Variants in CRIM1 observed in about 807,000 individuals in gnomAD.
CRIM1 encodes the protein cysteine rich transmembrane BMP regulator 1.
In CRIM1, 32 loss-of-function variants were observed where a neutral mutation model predicts 116.4. The observed-to-expected ratio is 0.27, with a 90% CI of 0.21 to 0.37. The LOEUF (loss-of-function observed/expected upper bound fraction) is 0.37. Among genes scored for constraint, CRIM1 ranks in the 10% least tolerant of loss-of-function variants. The pLI, the probability that CRIM1 is intolerant of heterozygous loss-of-function variation, is 1.00. For synonymous variants in CRIM1, 590 were observed against 509.2 expected, an observed-to-expected ratio of 1.16 and a Z score of -2.13; for missense variants, 1,331 against 1,354.8, an observed-to-expected ratio of 0.98 and a Z score of 0.28.
chr2:36,403,227 T>A (rs1672547321), intron 2 of CRIM1, among the ~76,000 whole-genome samples: 1 of 152,198 alleles, frequency 6.6e-6, no homozygotes, highest in Non-Finnish European at 1.5e-5. Context: ...GCTTGCACAG[T>A]GAACATTTTG....
At chr2:36,420,629 A>G (rs1673983151) in intron 2 of CRIM1, among the ~76,000 whole-genome samples, 1 of 152,150 alleles carries the variant, frequency 6.6e-6, no homozygotes, top group Admixed American at 6.6e-5. Context: ...AACTCTTTTC[A>G]AAAGTTCAGG....
At chr2:36,513,382 C>G in intron 10 of CRIM1, 174 bp from the exon 11 acceptor site, 1 of 571,898 alleles carries the variant, frequency 1.7e-6, no homozygotes. Context: ...TTTCTTTTTT[C>G]AAGATTGAGA....
chr2:36,447,637 A>G (rs1482854348), intron 4 of CRIM1, among the ~76,000 whole-genome samples: 3 of 152,204 alleles, frequency 2.0e-5, no homozygotes, highest in Admixed American at 6.5e-5. Flanking sequence ...GTTGGAAGTT[A>G]CAGAACACTT....
chr2:36,472,424 TTG>T (rs1678602513), intron 5 of CRIM1, among the ~76,000 whole-genome samples: 1 of 152,188 alleles, frequency 6.6e-6, no homozygotes, highest in Non-Finnish European at 1.5e-5. Flanking sequence ...TAAAGATTGA[TTG>T]TGTTTCCAGG....
Position 36,479,622 on chromosome 2 carries a change from G to T in CRIM1, c.1300G>T (p.Val434Phe). ...GTGCGTCAACGGTGAACGCCACTGC[G>T]TTGCGACCGTCTGCGGACAGACCTG... ...CQCVNGERHCVATVCGQTCTN... is the reference protein window; with the variant it reads ...CQCVNGERHCFATVCGQTCTN... The change falls in exon 7 of 17, where the codon GTT becomes TTT. Residue 434 changes from valine to phenylalanine, a missense_variant. This residue lies in a region of CRIM1 where 690 missense variants were observed against 676.0 expected (regional missense o/e 1.02). Transcript: ENST00000280527. 1 of 1,614,224 alleles carries T rather than the reference G, an allele frequency of 6.2e-7. No individual in the cohort carries two copies. The highest frequency in any genetic ancestry group is 8.5e-7 in the Non-Finnish European group (1 of 1,180,036).
At position 36,425,680 on chromosome 2, in the gene CRIM1, T is replaced by G. The variant is rs117540396; in HGVS notation, c.506-15578T>G. The stretch of plus-strand genomic sequence containing the variant: ...GGCTTACTGGTGACAAATTCCATTA[T>G]CAGCAACATTCTCATCAGAGGCTCA... On this transcript the variant is annotated intron_variant, in intron 2 of 16. Transcript: ENST00000280527. Among the ~76,000 whole-genome samples the G allele has an allele frequency of 7.7e-3, 1,167 of 152,364 alleles. 39 individuals carry two copies. Among genetic ancestry groups the G allele is most frequent in the Admixed American group, 0.054 (820 of 15,304 alleles).
At chr2:36,393,734 G>A (rs1375767834) in intron 1 of CRIM1, among the ~76,000 whole-genome samples, 2 of 152,154 alleles carry the variant, frequency 1.3e-5, no homozygotes, top group Non-Finnish European at 2.9e-5. Context: ...AGGAAGAAGG[G>A]AAGGAGGTAT....
At chr2:36,533,443 A>C (rs927301656) in intron 13 of CRIM1, among the ~76,000 whole-genome samples, 73 of 144,262 alleles carry the variant, frequency 5.1e-4, no homozygotes, top group Middle Eastern at 7.0e-3. Flanking sequence ...AAAAAAAAAA[A>C]CCCTAAAAAT....
At chr2:36,534,062 A>T (rs1401925391) in intron 13 of CRIM1, among the ~76,000 whole-genome samples, 1 of 128,188 alleles carries the variant, frequency 7.8e-6, no homozygotes, top group African/African-American at 3.0e-5. Flanking sequence ...AGAAGGAAGG[A>T]AGGTGAGGGA....
intron 7 of CRIM1, among the ~76,000 whole-genome samples, chr2:36,498,415 G>A (rs1230600573): frequency 6.6e-6 from 1 of 152,148 alleles, no homozygotes; most frequent in African/African-American, 2.4e-5. Context: ...CCACCTCATT[G>A]GAATATGGTA....
chr2:36,545,460 C>G (rs1667255934), intron 15 of CRIM1, among the ~76,000 whole-genome samples: 1 of 152,182 alleles, frequency 6.6e-6, no homozygotes, highest in Non-Finnish European at 1.5e-5. Flanking sequence ...ATTCTTATGA[C>G]TGAAGACCTG....
chr2:36,529,415 GAA>G, intron 13 of CRIM1: 1 of 222,314 alleles, frequency 4.5e-6, no homozygotes, highest in Non-Finnish European at 9.4e-6. Context: ...AGTCCTAAAA[GAA>G]GTTGTATTTC....
chr2:36,481,744 T>C (rs1007401852), intron 7 of CRIM1, among the ~76,000 whole-genome samples: 3 of 152,184 alleles, frequency 2.0e-5, no homozygotes, highest in African/African-American at 7.2e-5. Flanking sequence ...GTTGCCATTG[T>C]GTGGCTGAGT....
chr2:36,519,096 G>C (rs1490098828), intron 12 of CRIM1, among the ~76,000 whole-genome samples: 1 of 138,012 alleles, frequency 7.2e-6, no homozygotes, highest in African/African-American at 2.5e-5. Context: ...GGTGCTATTT[G>C]TGTTAGGATC....
At chr2:36,548,030 C>T (rs1034731694) in intron 16 of CRIM1, among the ~76,000 whole-genome samples, 2 of 152,196 alleles carry the variant, frequency 1.3e-5, no homozygotes, top group Admixed American at 1.3e-4. Flanking sequence ...TTGGGCACAG[C>T]CTCTGTGCTG....
At chr2:36,479,039 T>A (rs778097396) in intron 6 of CRIM1, among the ~76,000 whole-genome samples, 1 of 152,136 alleles carries the variant, frequency 6.6e-6, no homozygotes, top group Non-Finnish European at 1.5e-5. Flanking sequence ...TGCAGGTACA[T>A]GAGATAGAGT....
At chr2:36,403,891 A>G (rs1672597169) in intron 2 of CRIM1, among the ~76,000 whole-genome samples, 3 of 152,142 alleles carry the variant, frequency 2.0e-5, no homozygotes, top group African/African-American at 7.2e-5. Context: ...TGGAACTCAG[A>G]GAGAGATCTG....
chr2:36,428,050 T>G (rs192589682), intron 2 of CRIM1, among the ~76,000 whole-genome samples: 1 of 152,270 alleles, frequency 6.6e-6, no homozygotes, highest in African/African-American at 2.4e-5. Flanking sequence ...AAAGGAACTT[T>G]GTAATCAAAC....
At chr2:36,464,062 C>G (rs200808405) in intron 4 of CRIM1, among the ~76,000 whole-genome samples, 2 of 152,064 alleles carry the variant, frequency 1.3e-5, no homozygotes, top group African/African-American at 4.8e-5. Context: ...ATCATTGAAC[C>G]AGGAGTCAGA....
Sources: gnomAD v4.1 joint callset for allele counts (sites outside exome capture counted in the v4.1 genomes callset) on GRCh38, gnomAD v4.1.1 for gene constraint, gnomAD v4.1.1 regional missense constraint, MANE v1.5 for transcripts, NCBI Gene and HGNC (gene_info 2026-07-23, HGNC 2026-07-21) for gene names.